COL21A1: variants seen among roughly 807,000 people sequenced by gnomAD.
COL21A1 encodes collagen alpha-1(XXI) chain.
A neutral mutation model predicts 137.9 loss-of-function variants in COL21A1; 149 were observed. That is an observed-to-expected ratio of 1.08 (90% CI 0.95 to 1.24). The LOEUF is 1.24. Among genes scored for constraint, COL21A1 ranks in the 50% most tolerant of loss-of-function variants. The probability of loss-of-function intolerance (pLI) is 0.00; values close to 1 mark genes in which losing one functional copy is unlikely to be tolerated. For synonymous variants in COL21A1, 456 were observed against 391.5 expected (o/e 1.16, Z -1.95); for missense variants, 1,167 against 1,158.4 (o/e 1.01, Z -0.11).
At chr6:56,146,263 A>G (rs766634523) in intron 10 of COL21A1, among the ~76,000 whole-genome samples, 12 of 152,148 alleles carry the variant, frequency 7.9e-5, no homozygotes, top group East Asian at 1.9e-4. Flanking sequence ...AAGATTTCCA[A>G]AATTCCAACA....
At chr6:56,192,573 A>G (rs1225959101) in intron 1 of COL21A1, among the ~76,000 whole-genome samples, 1 of 152,214 alleles carries the variant, frequency 6.6e-6, no homozygotes, top group Non-Finnish European at 1.5e-5. Flanking sequence ...GCAGCCAACA[A>G]GCATATGAAA....
intron 1 of COL21A1, chr6:56,225,796 A>G (rs1781146598): frequency 6.6e-6 from 1 of 152,026 alleles, no homozygotes; most frequent in Non-Finnish European, 1.5e-5. Context: ...AGTTTGAGTA[A>G]TTCTAGAATG....
chr6:56,268,319 G>A (rs1003836755), intron 1 of COL21A1, among the ~76,000 whole-genome samples: 1 of 152,118 alleles, frequency 6.6e-6, no homozygotes, highest in African/African-American at 2.4e-5. Flanking sequence ...AGGAAACATG[G>A]GTGCGGTTCC....
At chr6:56,294,749 C>T (rs575777581) in intron 1 of COL21A1, among the ~76,000 whole-genome samples, 16 of 151,906 alleles carry the variant, frequency 1.1e-4, no homozygotes, top group Middle Eastern at 3.4e-3. Flanking sequence ...TTTGGTGAGG[C>T]GTCTGTTCAG....
chr6:56,185,540 A>G (rs893262884), intron 1 of COL21A1, among the ~76,000 whole-genome samples: 1 of 143,274 alleles, frequency 7.0e-6, no homozygotes, highest in African/African-American at 2.6e-5. Context: ...GGTTCACGCC[A>G]TTCTCCTGCC....
At chr6:56,140,104 C>A (rs979735801) in intron 12 of COL21A1, among the ~76,000 whole-genome samples, 3 of 152,074 alleles carry the variant, frequency 2.0e-5, no homozygotes, top group Non-Finnish European at 2.9e-5. Flanking sequence ...TATCAATTAA[C>A]CAGCATCACC....
chr6:56,346,971 T>C (rs1765611130), intron 1 of COL21A1, among the ~76,000 whole-genome samples: 1 of 152,130 alleles, frequency 6.6e-6, no homozygotes, highest in South Asian at 2.1e-4. Context: ...TGCCACAGCC[T>C]CTTGCAGGAG....
At position 56,059,182 on chromosome 6, in the gene COL21A1, C is replaced by G; in HGVS notation, c.2669G>C (p.Gly890Ala). The G allele has an allele frequency of 1.2e-6, 2 of 1,612,126 alleles. No homozygotes were observed. Among genetic ancestry groups the G allele is most frequent in the South Asian group, 1.1e-5 (1 of 90,760 alleles). Residue 890 changes from glycine to alanine, a missense_variant, in exon 29 of 30, where the codon GGT (glycine) becomes GCT (alanine). Physicochemically the swap from Gly to Ala is moderately conservative, Grantham distance 60. Coordinates refer to ENST00000244728, the MANE Select transcript of COL21A1 (RefSeq NM_030820.4). ...ATTCTCACCTGGGGGACCAGGAGGA[C>G]CTTGTTCTCCAGGATACCCAAACCC... ...SQGFGYPGEQ[G>A]PPGPPGPEGP...
chr6:56,290,517 T>TTTTTGG (rs57823142), intron 1 of COL21A1, among the ~76,000 whole-genome samples: 1 of 147,324 alleles, frequency 6.8e-6, no homozygotes, highest in Non-Finnish European at 1.5e-5. Context: ...TTTTTTTTTT[T>TTTTTGG]GAGACGAAGT....
intron 1 of COL21A1, among the ~76,000 whole-genome samples, chr6:56,238,688 C>A (rs749451290): frequency 5.3e-5 from 8 of 152,114 alleles, no homozygotes; most frequent in Non-Finnish European, 1.0e-4. Flanking sequence ...CTTTCTCCTG[C>A]ATTCTCAGTT....
At chr6:56,300,131 T>C (rs781240806) in intron 1 of COL21A1, among the ~76,000 whole-genome samples, 7 of 152,106 alleles carry the variant, frequency 4.6e-5, no homozygotes, top group Non-Finnish European at 8.8e-5. Flanking sequence ...GTAGCCAAAA[T>C]GTGCCGGAAG....
intron 10 of COL21A1, among the ~76,000 whole-genome samples, chr6:56,151,451 T>C (rs910172621): frequency 3.9e-5 from 6 of 152,202 alleles, no homozygotes; most frequent in African/African-American, 1.4e-4. Context: ...TCTTTTGTAA[T>C]GTTAAAATTG....
rs1326437401 is a variant in COL21A1 at position 56,262,906 on chromosome 6, G to A, written c.-38-80250C>T. 2.0e-5 allele frequency among the ~76,000 whole-genome samples: 3 copies of A among 152,210 alleles called. No individual in the cohort carries two copies. In the East Asian group the frequency reaches 5.8e-4, roughly 29 times the overall value. On this transcript the variant is annotated intron_variant, in intron 1 of 28. Transcript: ENST00000370819. Reference sequence around the variant, plus strand: ...AGCAAGGTGAGGACACAGACCTGGTGTGCTACAGCAACCAAATTCAGAATA... The same window carrying A: ...AGCAAGGTGAGGACACAGACCTGGTATGCTACAGCAACCAAATTCAGAATA...
At chr6:56,191,038 C>T (rs990191196) in intron 1 of COL21A1, among the ~76,000 whole-genome samples, 1 of 152,156 alleles carries the variant, frequency 6.6e-6, no homozygotes, top group Non-Finnish European at 1.5e-5. Flanking sequence ...CCTTTGAAAA[C>T]CGTCACAAGA....
At chr6:56,277,139 T>C (rs1763685245) in intron 1 of COL21A1, among the ~76,000 whole-genome samples, 1 of 152,048 alleles carries the variant, frequency 6.6e-6, no homozygotes, top group Admixed American at 6.6e-5. Flanking sequence ...GTAAGTTTTG[T>C]TTTTTTGTTT....
chr6:56,303,323 G>A (rs1423927094), intron 1 of COL21A1, among the ~76,000 whole-genome samples: 1 of 152,174 alleles, frequency 6.6e-6, no homozygotes, highest in Non-Finnish European at 1.5e-5. Context: ...ACCTTGGGCA[G>A]TATGGCCATT....
At chr6:56,177,094 G>T (rs1561950756) in intron 3 of COL21A1, among the ~76,000 whole-genome samples, 1 of 151,394 alleles carries the variant, frequency 6.6e-6, no homozygotes, top group Non-Finnish European at 1.5e-5. Context: ...AGAGGAAGTG[G>T]TAGTAGTAGA....
chr6:56,090,073 C>T, intron 17 of COL21A1, among the ~76,000 whole-genome samples: 1 of 152,062 alleles, frequency 6.6e-6, no homozygotes, highest in Non-Finnish European at 1.5e-5. Flanking sequence ...AACCCTGTCT[C>T]TACTAAAATA....
chr6:56,353,752 A>G (rs1210839165), intron 1 of COL21A1, among the ~76,000 whole-genome samples: 1 of 152,214 alleles, frequency 6.6e-6, no homozygotes, highest in African/African-American at 2.4e-5. Context: ...ATAAAAGACA[A>G]AGACCAAAAT....
Sources: gnomAD v4.1 joint callset for allele counts (sites outside exome capture counted in the v4.1 genomes callset) on GRCh38, gnomAD v4.1.1 for gene constraint, MANE v1.5 for transcripts, NCBI Gene and HGNC (gene_info 2026-07-23, HGNC 2026-07-21) for gene names.